The following CUL4B variants were observed in gnomAD, a reference collection of about 807,000 sequenced individuals.
CUL4B encodes cullin 4B.
Under a neutral mutation model 69.2 loss-of-function variants are expected in CUL4B, and 1 was observed. The observed-to-expected ratio is 0.01, with a 90% confidence interval of 0.01 to 0.07. The LOEUF is 0.07. Ranked by LOEUF, CUL4B falls within the 10% of genes least tolerant of loss-of-function variation. The pLI, the probability that CUL4B is intolerant of heterozygous loss-of-function variation, is 1.00. For synonymous variants in CUL4B, 237 were observed against 223.2 expected (o/e 1.06, Z -0.55); for missense variants, 328 against 638.8 (o/e 0.51, Z 5.24).
At chrX:120,564,163 C>A (rs1340535504), upstream of CUL4B, among the ~76,000 whole-genome samples, 2 of 111,615 alleles carry the variant, frequency 1.8e-5, no homozygotes, top group Non-Finnish European at 3.8e-5. Context: ...ATGAGCCGGA[C>A]ATGGTGGTGT....
At chrX:120,565,685 A>C (rs1414027044), upstream of CUL4B, among the ~76,000 whole-genome samples, 10 of 99,401 alleles carry the variant, frequency 1.0e-4, no homozygotes, top group South Asian at 4.8e-4. Context: ...AAAAAAAAAA[A>C]AAAAAAAAAA....
chrX:120,565,397 A>C (rs1016251102), upstream of CUL4B, among the ~76,000 whole-genome samples: 26 of 109,130 alleles, frequency 2.4e-4, no homozygotes, highest in Non-Finnish European at 1.9e-4. Flanking sequence ...CAAAACAGAA[A>C]AAACGGCTGG....
intron 2 of CUL4B, among the ~76,000 whole-genome samples, chrX:120,550,244 AC>A (rs1350605021): frequency 5.4e-5 from 6 of 111,686 alleles, no homozygotes; most frequent in Non-Finnish European, 9.4e-5. Flanking sequence ...TGTCTCTCTG[AC>A]TCCTTAATGA....
Position 120,560,705 on chromosome X carries a change from G to T in CUL4B, c.-67C>A. 1 of 1,170,106 alleles carries T rather than the reference G, an allele frequency of 8.5e-7. No homozygotes were observed. Among genetic ancestry groups the T allele is most frequent in the South Asian group, 1.8e-5 (1 of 54,696 alleles). ...ACGTTTATATGCCTGCGTGCGTGTA[G>T]GAGAGAAGGTAGCAATGCTAGAGGG... On this transcript the variant is annotated 5_prime_UTR_variant, in exon 1 of 20. Transcript: ENST00000371322.
intron 19 of CUL4B, among the ~76,000 whole-genome samples, chrX:120,529,267 T>A (rs1020021123): frequency 1.8e-5 from 2 of 111,793 alleles, no homozygotes; most frequent in Non-Finnish European, 3.8e-5. Context: ...TTATTAGAAC[T>A]AAGAGCTACC....
intron 1 of CUL4B, chrX:120,559,809 T>C: frequency 1.8e-6 from 2 of 1,103,092 alleles, no homozygotes; most frequent in Non-Finnish European, 1.2e-6. Context: ...ATACCGATTG[T>C]CAGTGTTATA....
At position 120,545,611 on chromosome X, in the gene CUL4B, G is replaced by C. The variant is rs1924267507; in HGVS notation, c.847-94C>G. The C allele has an allele frequency of 1.0e-5, 6 of 580,464 alleles. No homozygotes were observed. The East Asian group carries it at 2.2e-4, about 21-fold the overall frequency. 47.8% of individuals were successfully genotyped at this position (580,464 alleles called of 1,213,427 possible). A position where few individuals can be genotyped will look rare whatever the true frequency, so the allele number is the denominator to read the frequency against. On this transcript the variant is annotated intron_variant, in intron 4 of 19. Coordinates refer to ENST00000371322, the MANE Select transcript of CUL4B (RefSeq NM_001079872.2). ...AAGAATAAAACTGAAGAGTTTGTCTGTATATATATTACATTACTAAGATCA... is the reference window on the plus strand; with the variant it reads ...AAGAATAAAACTGAAGAGTTTGTCTCTATATATATTACATTACTAAGATCA...
intron 13 of CUL4B, 85 bp from the exon 14 acceptor site, chrX:120,538,294 CT>C: frequency 1.6e-6 from 1 of 606,311 alleles, no homozygotes. Context: ...AAATACAAAA[CT>C]TTAGTATGAA....
chrX:120,565,848 C>T (rs748499378), upstream of CUL4B, among the ~76,000 whole-genome samples: 2 of 102,756 alleles, frequency 1.9e-5, no homozygotes, highest in East Asian at 6.5e-4. Context: ...GCCTCAGCCT[C>T]CCAAGTAGCT....
intron 1 of CUL4B, among the ~76,000 whole-genome samples, chrX:120,558,914 A>C (rs1376724744): frequency 2.7e-5 from 3 of 112,071 alleles, no homozygotes; most frequent in Admixed American, 9.5e-5. Context: ...TTTTAAGTGA[A>C]ATAATGAAAA....
At chrX:120,559,807 T>A in intron 1 of CUL4B, 1 of 1,100,850 alleles carries the variant, frequency 9.1e-7, no homozygotes, top group East Asian at 4.1e-5. Flanking sequence ...TCATACCGAT[T>A]GTCAGTGTTA....
chrX:120,561,107 G>A (rs1282408921), upstream of CUL4B: 1 of 1,027,373 alleles, frequency 9.7e-7, no homozygotes, highest in African/African-American at 2.0e-5. Flanking sequence ...CCGGTCACGC[G>A]GCGCCGAGGG....
Position 120,559,722 on chromosome X carries a change from C to T in CUL4B, c.556+361G>A, listed in dbSNP as rs1223309823. 11 of 956,789 alleles carry T rather than the reference C, an allele frequency of 1.1e-5. No individual in the cohort carries two copies. In the East Asian group the frequency reaches 6.6e-4, roughly 58 times the overall value. 78.9% of individuals were successfully genotyped at this position (956,789 alleles called of 1,213,427 possible). On this transcript the variant is annotated intron_variant, in intron 1 of 19. Coordinates refer to ENST00000371322, the MANE Select transcript of CUL4B (RefSeq NM_001079872.2). ...CATAAAAATAAAAATCCCAGCAATG[C>T]CAAGGCTCGCTATGCACCTGAAATA...
At position 120,524,727 on chromosome X, in the gene CUL4B, AG is replaced by A. The variant is rs991377084; in HGVS notation, c.*2033del. 8.9e-5 allele frequency: 10 copies of A among 111,971 alleles called. No individual in the cohort carries two copies. Among genetic ancestry groups the A allele is most frequent in the Non-Finnish European group, 1.9e-4 (10 of 53,099 alleles). The allele number at this position is 111,971 out of a possible 1,213,427, so 9.2% of individuals were successfully genotyped here. ...ACTGAAAGTCACAATTATCCAATGT[AG>A]TTTGCAATTACTTTTCAGTTTCTTA... is the stretch of plus-strand genomic sequence containing the variant. On this transcript the variant is annotated 3_prime_UTR_variant, in exon 20 of 20. Coordinates refer to ENST00000371322, the MANE Select transcript of CUL4B (RefSeq NM_001079872.2).
intron 18 of CUL4B, among the ~76,000 whole-genome samples, chrX:120,531,003 T>C (rs1923277906): frequency 9.0e-6 from 1 of 111,530 alleles, no homozygotes; most frequent in African/African-American, 3.3e-5. Flanking sequence ...AGGAACTTGT[T>C]TGGAGATACT....
intron 2 of CUL4B, among the ~76,000 whole-genome samples, chrX:120,572,691 T>C (rs1925750729): frequency 9.0e-6 from 1 of 111,216 alleles, no homozygotes; most frequent in Non-Finnish European, 1.9e-5. Flanking sequence ...AATTTTTCTG[T>C]GACTTTATTT....
chrX:120,574,119 T>C (rs1020826615), intron 2 of CUL4B, among the ~76,000 whole-genome samples: 1 of 49,748 alleles, frequency 2.0e-5, no homozygotes, highest in Non-Finnish European at 3.7e-5. Context: ...TGCCCCAGCC[T>C]CCCAAAGTGC....
chrX:120,532,901 G>A (rs1923412762), intron 17 of CUL4B, among the ~76,000 whole-genome samples: 1 of 111,621 alleles, frequency 9.0e-6, no homozygotes, highest in Non-Finnish European at 1.9e-5. Flanking sequence ...CCGGCCCCTA[G>A]TCCTCTTTTA....
Position 120,525,645 on chromosome X carries a change from G to C in CUL4B, c.*1116C>G, listed in dbSNP as rs1433306218. On this transcript the variant is annotated 3_prime_UTR_variant, in exon 20 of 20. Coordinates refer to ENST00000371322, the MANE Select transcript of CUL4B (RefSeq NM_001079872.2). ...CAAATTCCCAAACAGGGGCTCTGTG[G>C]GAAAAATGAGGGAGGACCTTTGTAT... is the stretch of plus-strand genomic sequence containing the variant. 1 of 111,114 alleles carries C rather than the reference G, an allele frequency of 9.0e-6. No homozygotes were observed. The highest frequency in any genetic ancestry group is 1.9e-5 in the Non-Finnish European group (1 of 52,964). The allele number at this position is 111,114 out of a possible 1,213,427, so 9.2% of individuals were successfully genotyped here. A position where few individuals can be genotyped will look rare whatever the true frequency, so the allele number is the denominator to read the frequency against.
Sources: allele counts gnomAD v4.1 joint callset (sites outside exome capture counted in the v4.1 genomes callset), GRCh38; gene constraint gnomAD v4.1.1; transcripts MANE v1.5; gene names NCBI Gene and HGNC (gene_info 2026-07-23, HGNC 2026-07-21).